DNAH6: variants seen among roughly 807,000 people sequenced by gnomAD.
The protein encoded by DNAH6 is axonemal beta dynein heavy chain 6.
A neutral mutation model predicts 491.4 loss-of-function variants in DNAH6; 340 were observed. That is an observed-to-expected ratio of 0.69 (90% CI 0.63 to 0.76). The LOEUF (loss-of-function observed/expected upper bound fraction) is 0.76, where lower values mean the gene tolerates loss of function less well. DNAH6 is among the 30% of genes least tolerant of loss of function. DNAH6 has a pLI of 0.00. For synonymous variants in DNAH6, 1,603 were observed against 1,686.1 expected (o/e 0.95, Z 1.21); for missense variants, 4,443 against 4,972.2 (o/e 0.89, Z 3.20).
chr2:84,753,517 G>A (rs181661708), intron 63 of DNAH6, among the ~76,000 whole-genome samples: 11 of 151,788 alleles, frequency 7.2e-5, no homozygotes, highest in Admixed American at 1.3e-4. Flanking sequence ...CAGCACTTTG[G>A]GAGGCCAAGG....
At chr2:84,615,162 A>G (rs886103564) in intron 22 of DNAH6, among the ~76,000 whole-genome samples, 1 of 152,104 alleles carries the variant, frequency 6.6e-6, no homozygotes, top group Non-Finnish European at 1.5e-5. Flanking sequence ...CAGAATTGTT[A>G]TGGTTTCAGG....
At chr2:84,693,927 A>G (rs777085249) in intron 45 of DNAH6, among the ~76,000 whole-genome samples, 1 of 152,206 alleles carries the variant, frequency 6.6e-6, no homozygotes, top group Non-Finnish European at 1.5e-5. Context: ...AATTGACAAT[A>G]TAAGTTGTGG....
chr2:84,676,547 T>C (rs1466011189), intron 40 of DNAH6, among the ~76,000 whole-genome samples: 1 of 152,170 alleles, frequency 6.6e-6, no homozygotes, highest in Non-Finnish European at 1.5e-5. Context: ...AAAACAAAGT[T>C]ATAGATTGGT....
chr2:84,812,989 A>C, intron 73 of DNAH6, 69 bp from the exon 74 acceptor site: 1 of 1,327,822 alleles, frequency 7.5e-7, no homozygotes, highest in South Asian at 1.3e-5. Context: ...CTCCCCAAAT[A>C]GGACTTTGCT....
the DNAH6 span, among the ~76,000 whole-genome samples, chr2:84,495,890 C>T: frequency 6.6e-6 from 1 of 152,176 alleles, no homozygotes; most frequent in Non-Finnish European, 1.5e-5. Context: ...ATCTTATCAA[C>T]GTTACAGACA....
chr2:84,663,443 GAC>G (rs1223726314), intron 37 of DNAH6, among the ~76,000 whole-genome samples: 2 of 152,132 alleles, frequency 1.3e-5, no homozygotes, highest in Admixed American at 6.5e-5. Context: ...AGAACTACGT[GAC>G]ACATGCACAA....
chr2:84,589,609 G>A (rs905011079), intron 16 of DNAH6, among the ~76,000 whole-genome samples: 1 of 151,592 alleles, frequency 6.6e-6, no homozygotes, highest in African/African-American at 2.4e-5. Flanking sequence ...GTACTTGGGA[G>A]GCTAAACGGG....
chr2:84,799,097 C>T (rs1678632458), intron 70 of DNAH6, among the ~76,000 whole-genome samples: 2 of 151,734 alleles, frequency 1.3e-5, no homozygotes, highest in South Asian at 4.1e-4. Context: ...GAGCAGTTCT[C>T]CTGCCTCAGC....
chr2:84,673,393 T>G (rs1422957072), intron 40 of DNAH6, among the ~76,000 whole-genome samples: 1 of 152,146 alleles, frequency 6.6e-6, no homozygotes, highest in African/African-American at 2.4e-5. Flanking sequence ...CAGAGGCAAC[T>G]GCAGTAGCCT....
intron 40 of DNAH6, 53 bp downstream of exon 40, chr2:84,672,537 A>G: frequency 6.8e-7 from 1 of 1,481,454 alleles, no homozygotes; most frequent in South Asian, 1.3e-5. Flanking sequence ...TGACAAGGAA[A>G]TATGATGTAT....
In DNAH6 at chr2:84,653,519, C is replaced by T; in HGVS notation, c.5279C>T (p.Thr1760Ile). The T allele has an allele frequency of 6.4e-7, 1 of 1,551,248 alleles. No individual in the cohort carries two copies. The highest frequency in any genetic ancestry group is 1.2e-5 in the South Asian group (1 of 84,048). ...GTCGGGCCAACAGGAGGCGGCAAGA[C>T]CACAGTTTACCGAATACTAGCAGAA... ...MLVGPTGGGK[T>I]TVYRILAETL... Residue 1760 changes from threonine to isoleucine, a missense_variant, in exon 34 of 77, where the codon ACC (threonine) becomes ATC (isoleucine). By Grantham distance (89) the Thr-to-Ile change is moderately conservative. Around this residue, in one of 3 missense-constraint regions of DNAH6, gnomAD observed 2,977 missense variants for 3,296.6 expected, o/e 0.90. Transcript: ENST00000389394.
At chr2:84,621,071 AG>A in intron 24 of DNAH6, 119 bp from the exon 25 acceptor site, 4 of 955,724 alleles carry the variant, frequency 4.2e-6, no homozygotes, top group Non-Finnish European at 6.1e-6. Context: ...TAGAAGTTTC[AG>A]TATTTGTGGT....
intron 52 of DNAH6, 48 bp downstream of exon 52, chr2:84,705,795 G>T: frequency 6.6e-7 from 1 of 1,504,456 alleles, no homozygotes; most frequent in South Asian, 1.3e-5. Context: ...GGCCATGATC[G>T]CCAGTCATTT....
At chr2:84,547,746 T>C in intron 7 of DNAH6, 134 bp downstream of exon 7, 1 of 984,138 alleles carries the variant, frequency 1.0e-6, no homozygotes, top group Non-Finnish European at 1.5e-6. Context: ...ATGGATATTA[T>C]AAATTTAATG....
intron 76 of DNAH6, among the ~76,000 whole-genome samples, chr2:84,818,403 G>A (rs891705303): frequency 1.4e-5 from 2 of 140,892 alleles, no homozygotes; most frequent in African/African-American, 2.7e-5. Context: ...CAGGAGGATC[G>A]CTTGAGTCCA....
In DNAH6 at chr2:84,637,377, G is replaced by T; in HGVS notation, c.4821G>T (p.Glu1607Asp). The change falls in exon 31 of 77, where the codon GAG becomes GAT. Residue 1607 changes from glutamate to aspartate, a missense_variant and splice_region_variant. Physicochemically the swap from Glu to Asp is conservative, Grantham distance 45. Coordinates refer to ENST00000389394, the MANE Select transcript of DNAH6 (RefSeq NM_001370.2). ...TTCCAAATTATGCCTTGATTGCAGA[G>T]GTGAGCATCACATTATAAAGCAGCA... is the stretch of plus-strand genomic sequence containing the variant. ...MMVPNYALIA[E>D]VILYSEGFES... The T allele has an allele frequency of 6.5e-7, 1 of 1,535,628 alleles. No individual in the cohort carries two copies. The highest frequency in any genetic ancestry group is 8.8e-7 in the Non-Finnish European group (1 of 1,137,018).
At chr2:84,602,311 T>C (rs963427954) in intron 18 of DNAH6, among the ~76,000 whole-genome samples, 2 of 151,994 alleles carry the variant, frequency 1.3e-5, no homozygotes. Flanking sequence ...GAGGAAGTCT[T>C]TATCCTTTAG....
intron 64 of DNAH6, among the ~76,000 whole-genome samples, chr2:84,767,211 A>G (rs1333795666): frequency 6.6e-6 from 1 of 152,186 alleles, no homozygotes; most frequent in Non-Finnish European, 1.5e-5. Flanking sequence ...GACAATTTAA[A>G]TTACTTCAAA....
intron 17 of DNAH6, 134 bp from the exon 18 acceptor site, chr2:84,595,511 CA>C (rs1684492914): frequency 2.7e-6 from 2 of 749,666 alleles, no homozygotes; most frequent in Admixed American, 6.3e-5. Flanking sequence ...ATGTTATTAG[CA>C]ATTTAATAAG....
Sources: allele counts gnomAD v4.1 joint callset (sites outside exome capture counted in the v4.1 genomes callset), GRCh38; gene constraint gnomAD v4.1.1; regional missense constraint gnomAD v4.1.1; transcripts MANE v1.5; gene names NCBI Gene and HGNC (gene_info 2026-07-23, HGNC 2026-07-21).